Variants in ABCD3 observed in about 807,000 individuals in gnomAD.
ABCD3 encodes ATP-binding cassette sub-family D member 3.
A neutral mutation model predicts 105.5 loss-of-function variants in ABCD3; 41 were observed. The observed-to-expected ratio is 0.39, with a 90% CI of 0.30 to 0.50. The LOEUF (loss-of-function observed/expected upper bound fraction) is 0.50. Among genes scored for constraint, ABCD3 ranks in the 20% least tolerant of loss-of-function variants. The pLI is 0.84. For synonymous variants in ABCD3, 258 were observed against 269.0 expected, an observed-to-expected ratio of 0.96 and a Z score of 0.40; for missense variants, 622 against 806.3, an observed-to-expected ratio of 0.77 and a Z score of 2.77.
intron 1 of ABCD3, among the ~76,000 whole-genome samples, chr1:94,419,692 C>T (rs1420118513): frequency 6.6e-6 from 1 of 152,164 alleles, no homozygotes; most frequent in Non-Finnish European, 1.5e-5. Context: ...AAATAGACTT[C>T]TAGTTTATAG....
At chr1:94,480,332 GA>G in intron 8 of ABCD3, 131 bp from the exon 9 acceptor site, 2 of 1,117,598 alleles carry the variant, frequency 1.8e-6, no homozygotes, top group Non-Finnish European at 1.3e-6. Context: ...AAAACAAAGG[GA>G]AAAAATTACC....
chr1:94,484,918 A>G (rs1056067241), intron 10 of ABCD3, among the ~76,000 whole-genome samples: 4 of 152,348 alleles, frequency 2.6e-5, no homozygotes, highest in Admixed American at 6.5e-5. Flanking sequence ...GTAAAGCAAG[A>G]GTCAGCAAAC....
At chr1:94,498,114 T>C (rs1169706006) in intron 16 of ABCD3, among the ~76,000 whole-genome samples, 5 of 152,182 alleles carry the variant, frequency 3.3e-5, no homozygotes, top group Admixed American at 1.3e-4. Context: ...GGTCTTGTTC[T>C]GTCAGCCTAG....
At chr1:94,467,012 A>G (rs1570782014) in intron 3 of ABCD3, among the ~76,000 whole-genome samples, 1 of 152,216 alleles carries the variant, frequency 6.6e-6, no homozygotes, top group South Asian at 2.1e-4. Context: ...TCACAGAAAG[A>G]TAACTGATTC....
At chr1:94,443,397 G>A (rs1424899795) in intron 1 of ABCD3, among the ~76,000 whole-genome samples, 1 of 151,936 alleles carries the variant, frequency 6.6e-6, no homozygotes, top group Non-Finnish European at 1.5e-5. Context: ...AATATTTTTT[G>A]CCATTCTGTA....
chr1:94,432,738 A>C (rs1361120950), intron 1 of ABCD3: 2 of 152,240 alleles, frequency 1.3e-5, no homozygotes, highest in Non-Finnish European at 2.9e-5. Flanking sequence ...GGGGTTAAAA[A>C]AGGTTTTATA....
chr1:94,498,758 C>T (rs766421213), intron 17 of ABCD3, 25 bp from the exon 18 acceptor site: 23 of 1,613,052 alleles, frequency 1.4e-5, no homozygotes, highest in Middle Eastern at 3.3e-4. Flanking sequence ...TACAATTGTT[C>T]TTCTCCCTTC....
intron 21 of ABCD3, among the ~76,000 whole-genome samples, chr1:94,508,469 A>G (rs1557692751): frequency 6.6e-6 from 1 of 151,760 alleles, no homozygotes; most frequent in Non-Finnish European, 1.5e-5. Flanking sequence ...TGACTTGGCG[A>G]TGCGTGCTCT....
chr1:94,471,656 CA>C, intron 4 of ABCD3, among the ~76,000 whole-genome samples: 1 of 151,998 alleles, frequency 6.6e-6, no homozygotes, highest in East Asian at 1.9e-4. Context: ...GACCTTATCT[CA>C]AAAAAAGTTT....
intron 1 of ABCD3, among the ~76,000 whole-genome samples, chr1:94,440,963 G>A (rs1660109148): frequency 6.6e-6 from 1 of 152,112 alleles, no homozygotes; most frequent in African/African-American, 2.4e-5. Flanking sequence ...GATAAAATGA[G>A]ATCTACATCT....
Position 94,475,226 on chromosome 1 carries a change from T to C in ABCD3, c.489T>C (p.Tyr163=). 3 of 1,588,342 alleles carry C rather than the reference T, an allele frequency of 1.9e-6. No individual in the cohort carries two copies. Among genetic ancestry groups the C allele is most frequent in the Non-Finnish European group, 1.7e-6 (2 of 1,162,652 alleles). The part of the protein sequence containing the change: ...CFRVRLTKYL[Y]EEYLQAFTYY... ...GAGTAAGGCTCACTAAATACCTCTATGAGGAGTATCTTCAGTAAGTGATAA... is the reference window on the plus strand; with the variant it reads ...GAGTAAGGCTCACTAAATACCTCTACGAGGAGTATCTTCAGTAAGTGATAA... Residue 163 remains tyrosine, a synonymous_variant, in exon 6 of 23, where the codon TAT becomes TAC. Transcript: ENST00000370214.
chr1:94,406,451 T>TC, the ABCD3 span: 131 of 391,404 alleles, frequency 3.3e-4, no homozygotes, highest in East Asian at 7.3e-3. Context: ...TTCCAGTTTT[T>TC]CTCACAAAGT....
chr1:94,503,803 T>A (rs79808458), intron 20 of ABCD3, among the ~76,000 whole-genome samples: 1 of 140,594 alleles, frequency 7.1e-6, no homozygotes, highest in Non-Finnish European at 1.5e-5. Context: ...CTTTTCTGAA[T>A]TTTTTTTTTT....
intron 16 of ABCD3, among the ~76,000 whole-genome samples, chr1:94,493,886 T>G (rs1290391773): frequency 6.6e-6 from 1 of 151,942 alleles, no homozygotes; most frequent in Non-Finnish European, 1.5e-5. Flanking sequence ...TAGGTGGGAA[T>G]TGAACAATGA....
the ABCD3 span, among the ~76,000 whole-genome samples, chr1:94,400,348 G>A: frequency 6.6e-6 from 1 of 151,434 alleles, no homozygotes; most frequent in Non-Finnish European, 1.5e-5. Context: ...AGGTTGCAAT[G>A]AGCCGAGATC....
chr1:94,442,864 A>G (rs999283193), intron 1 of ABCD3, among the ~76,000 whole-genome samples: 1 of 152,134 alleles, frequency 6.6e-6, no homozygotes, highest in African/African-American at 2.4e-5. Flanking sequence ...CCAGTCCTCC[A>G]TTGATAGGCA....
At chr1:94,420,224 CAG>C (rs748627332) in intron 1 of ABCD3, among the ~76,000 whole-genome samples, 102 of 152,230 alleles carry the variant, frequency 6.7e-4, no homozygotes, top group Non-Finnish European at 1.2e-3. Flanking sequence ...GATCAAGAAA[CAG>C]AACATTATCA....
At chr1:94,407,953 T>A in the ABCD3 span, among the ~76,000 whole-genome samples, 1 of 152,266 alleles carries the variant, frequency 6.6e-6, no homozygotes, top group Admixed American at 6.5e-5. Flanking sequence ...TCATTTATAT[T>A]ATTGTCTTTG....
chr1:94,502,971 C>T (rs1650173868), intron 20 of ABCD3, among the ~76,000 whole-genome samples: 1 of 152,162 alleles, frequency 6.6e-6, no homozygotes, highest in Non-Finnish European at 1.5e-5. Flanking sequence ...GGCTCACGGA[C>T]ACATGCAGCC....
Sources: gnomAD v4.1 joint callset for allele counts (sites outside exome capture counted in the v4.1 genomes callset) on GRCh38, gnomAD v4.1.1 for gene constraint, MANE v1.5 for transcripts, NCBI Gene and HGNC (gene_info 2026-07-23, HGNC 2026-07-21) for gene names.